ZMIZ1: variants seen among roughly 807,000 people sequenced by gnomAD.
The protein encoded by ZMIZ1 is zinc finger MIZ domain-containing protein 1.
A neutral mutation model predicts 113.9 loss-of-function variants in ZMIZ1; 17 were observed. The ratio of observed to expected loss-of-function variants is 0.15; its 90% CI spans 0.10 to 0.22. The LOEUF (loss-of-function observed/expected upper bound fraction) is 0.22. ZMIZ1 is among the 10% of genes least tolerant of loss of function. The pLI, the probability that ZMIZ1 is intolerant of heterozygous loss-of-function variation, is 1.00. For synonymous variants in ZMIZ1, 607 were observed against 603.1 expected (o/e 1.01, Z -0.09); for missense variants, 1,059 against 1,477.8 (o/e 0.72, Z 4.65).
At chr10:79,239,024 C>A (rs1269301082) in intron 7 of ZMIZ1, among the ~76,000 whole-genome samples, 1 of 152,128 alleles carries the variant, frequency 6.6e-6, no homozygotes. Context: ...AGGAGCTCAA[C>A]CGCAACTGTC....
At chr10:79,095,735 G>A (rs779001256) in intron 1 of ZMIZ1, among the ~76,000 whole-genome samples, 11 of 152,184 alleles carry the variant, frequency 7.2e-5, no homozygotes, top group African/African-American at 1.2e-4. Flanking sequence ...TGTGGCTCCC[G>A]GTTAATCTTC....
chr10:79,182,491 C>T (rs1304622725), intron 4 of ZMIZ1, among the ~76,000 whole-genome samples: 5 of 152,078 alleles, frequency 3.3e-5, no homozygotes, highest in Non-Finnish European at 7.4e-5. Flanking sequence ...AGTGCAGCAG[C>T]ATTGGTTCTG....
rs879433756 is a variant in ZMIZ1 at position 79,197,605 on chromosome 10, CACACAT to C, written c.-49-3973_-49-3968del. ...TGCCAACCCAGACCATACACACACA[CACACAT>C]ACACACACACACACACACACACACA... On this transcript the variant is annotated intron_variant, in intron 4 of 24. Transcript: ENST00000334512. Among the ~76,000 whole-genome samples the C allele has an allele frequency of 8.1e-3, 1,102 of 136,648 alleles. 7 individuals carry two copies. Among genetic ancestry groups the C allele is most frequent in the East Asian group, 0.023 (110 of 4,836 alleles). The allele number at this position is 136,648 out of a possible 152,430, so 89.6% of individuals were successfully genotyped here.
At chr10:79,129,445 G>A (rs1191617764) in intron 2 of ZMIZ1, among the ~76,000 whole-genome samples, 1 of 152,196 alleles carries the variant, frequency 6.6e-6, no homozygotes, top group Non-Finnish European at 1.5e-5. Flanking sequence ...TTGGCGCAGG[G>A]GCTTGCTGGT....
At chr10:79,139,480 TA>T (rs1255431542) in intron 2 of ZMIZ1, among the ~76,000 whole-genome samples, 1 of 152,088 alleles carries the variant, frequency 6.6e-6, no homozygotes, top group East Asian at 1.9e-4. Flanking sequence ...AAAATCCCAC[TA>T]GGAGGAATTG....
chr10:79,175,371 C>G (rs947192158), intron 4 of ZMIZ1, among the ~76,000 whole-genome samples: 3 of 152,198 alleles, frequency 2.0e-5, no homozygotes, highest in African/African-American at 7.2e-5. Flanking sequence ...CTCTCGTGAT[C>G]ATGCCTGTAT....
chr10:79,088,903 C>T (rs79323222), intron 1 of ZMIZ1, among the ~76,000 whole-genome samples: 1 of 152,344 alleles, frequency 6.6e-6, no homozygotes, highest in Middle Eastern at 3.4e-3. Context: ...CGCAGCACCC[C>T]TCTGAAGTGG....
intron 7 of ZMIZ1, among the ~76,000 whole-genome samples, chr10:79,221,445 C>G (rs948089948): frequency 1.3e-5 from 2 of 152,356 alleles, no homozygotes; most frequent in Admixed American, 6.5e-5. Flanking sequence ...GGATCCTCCT[C>G]CTCACCAGGC....
intron 8 of ZMIZ1, among the ~76,000 whole-genome samples, chr10:79,279,330 C>T (rs1210562740): frequency 7.2e-6 from 1 of 139,080 alleles, no homozygotes; most frequent in African/African-American, 2.7e-5. Flanking sequence ...CAGACGGGGT[C>T]GCGGCCGGGC....
chr10:79,161,096 G>C (rs1008014203), intron 3 of ZMIZ1, among the ~76,000 whole-genome samples: 12 of 152,186 alleles, frequency 7.9e-5, no homozygotes, highest in African/African-American at 2.9e-4. Flanking sequence ...AGATGGGCCA[G>C]CTGAGCCCCA....
chr10:79,185,748 T>C (rs1847327229), intron 4 of ZMIZ1, among the ~76,000 whole-genome samples: 3 of 152,038 alleles, frequency 2.0e-5, no homozygotes, highest in Admixed American at 2.0e-4. Context: ...CATTGGAGGA[T>C]TGTGGATGAA....
intron 6 of ZMIZ1, among the ~76,000 whole-genome samples, chr10:79,215,907 C>T (rs897499069): frequency 6.6e-6 from 1 of 152,100 alleles, no homozygotes; most frequent in African/African-American, 2.4e-5. Context: ...TTGGAAGCGG[C>T]GGGGCCTATG....
intron 8 of ZMIZ1, among the ~76,000 whole-genome samples, chr10:79,285,835 C>T (rs536093991): frequency 2.5e-4 from 38 of 152,198 alleles, no homozygotes; most frequent in Non-Finnish European, 5.0e-4. Context: ...AAGGGCTTCC[C>T]GGAGGAGGTG....
chr10:79,310,822 G>T, intron 23 of ZMIZ1, 102 bp from the exon 24 acceptor site: 1 of 1,365,694 alleles, frequency 7.3e-7, no homozygotes. Flanking sequence ...CGTTTCGGGG[G>T]TTGTGACTTC....
chr10:79,088,989 A>G (rs778572132), intron 1 of ZMIZ1, among the ~76,000 whole-genome samples: 94 of 152,234 alleles, frequency 6.2e-4, no homozygotes, highest in Non-Finnish European at 1.2e-3. Context: ...ACAGCTGCTC[A>G]GGGAATCAGG....
intron 2 of ZMIZ1, among the ~76,000 whole-genome samples, chr10:79,130,436 G>A (rs1844708669): frequency 6.6e-6 from 1 of 152,200 alleles, no homozygotes; most frequent in South Asian, 2.1e-4. Context: ...GGCTGAGCCT[G>A]CAGCAGAGCT....
intron 4 of ZMIZ1, among the ~76,000 whole-genome samples, 170 bp downstream of exon 4, chr10:79,162,303 C>T (rs1165767679): frequency 6.6e-6 from 1 of 152,258 alleles, no homozygotes; most frequent in Non-Finnish European, 1.5e-5. Flanking sequence ...CCCCAATGGG[C>T]TGTCCCTCTA....
chr10:79,227,618 T>C (rs1454258064), intron 7 of ZMIZ1, among the ~76,000 whole-genome samples: 1 of 152,216 alleles, frequency 6.6e-6, no homozygotes, highest in Non-Finnish European at 1.5e-5. Flanking sequence ...GCCAGGTGTA[T>C]AGGACATGCT....
At chr10:79,198,429 C>G (rs1002933298) in intron 4 of ZMIZ1, among the ~76,000 whole-genome samples, 12 of 152,100 alleles carry the variant, frequency 7.9e-5, no homozygotes, top group Non-Finnish European at 1.0e-4. Context: ...CCCTCACCCC[C>G]CTCCTCCTTC....
Sources: allele counts gnomAD v4.1 joint callset (sites outside exome capture counted in the v4.1 genomes callset), GRCh38; gene constraint gnomAD v4.1.1; transcripts MANE v1.5; gene names NCBI Gene and HGNC (gene_info 2026-07-23, HGNC 2026-07-21).